Variants in GRIN2A observed in about 807,000 individuals in gnomAD.
GRIN2A encodes glutamate ionotropic receptor NMDA type subunit 2A.
In GRIN2A, 22 loss-of-function variants were observed where a neutral mutation model predicts 113.4. The ratio of observed to expected loss-of-function variants is 0.19; its 90% CI spans 0.14 to 0.28. The LOEUF (loss-of-function observed/expected upper bound fraction) is 0.28, where lower values mean the gene tolerates loss of function less well. GRIN2A is among the 10% of genes least tolerant of loss of function. The pLI is 1.00. For missense variants in GRIN2A, 1,502 were observed against 1,887.0 expected (o/e 0.80, Z 3.78); for synonymous variants, 827 against 738.4 (o/e 1.12, Z -1.94).
chr16:10,082,432 T>G (rs917375119), intron 2 of GRIN2A, among the ~76,000 whole-genome samples: 5 of 152,220 alleles, frequency 3.3e-5, no homozygotes, highest in African/African-American at 1.2e-4. Flanking sequence ...TGAGTACAGG[T>G]GAACCTGTGA....
At chr16:9,984,328 T>C (rs1462320938) in intron 2 of GRIN2A, among the ~76,000 whole-genome samples, 1 of 152,196 alleles carries the variant, frequency 6.6e-6, no homozygotes, top group Non-Finnish European at 1.5e-5. Context: ...AGGTTGTCTC[T>C]TCACTCTGAT....
chr16:10,111,311 C>G, intron 2 of GRIN2A: 1 of 380,162 alleles, frequency 2.6e-6, no homozygotes, highest in Non-Finnish European at 5.0e-6. Context: ...AGGCCCACAG[C>G]GTCAGCAGCA....
intron 2 of GRIN2A, among the ~76,000 whole-genome samples, chr16:10,067,160 C>T (rs1282040691): frequency 6.6e-6 from 1 of 152,174 alleles, no homozygotes; most frequent in East Asian, 1.9e-4. Context: ...CTTTCTTCAT[C>T]CCCTATGCTT....
At chr16:10,097,224 G>T (rs755609924) in intron 2 of GRIN2A, among the ~76,000 whole-genome samples, 3 of 152,188 alleles carry the variant, frequency 2.0e-5, no homozygotes, top group Non-Finnish European at 4.4e-5. Flanking sequence ...TCTATTTGTG[G>T]GAAGTGATAC....
intron 2 of GRIN2A, among the ~76,000 whole-genome samples, chr16:9,981,624 TATC>T (rs532078423): frequency 1.2e-3 from 186 of 152,302 alleles, no homozygotes; most frequent in Non-Finnish European, 1.7e-3. Flanking sequence ...TTTTTACAAA[TATC>T]ATCACAATAC....
intron 2 of GRIN2A, among the ~76,000 whole-genome samples, chr16:9,972,090 T>G (rs2045683901): frequency 6.6e-6 from 1 of 152,172 alleles, no homozygotes. Flanking sequence ...AGAAGGGAAT[T>G]CTTGGCATGT....
At chr16:10,134,249 A>G (rs2049140458) in intron 2 of GRIN2A, among the ~76,000 whole-genome samples, 1 of 150,572 alleles carries the variant, frequency 6.6e-6, no homozygotes, top group African/African-American at 2.4e-5. Flanking sequence ...GGCAAACATT[A>G]GGCTTCAAAG....
intron 2 of GRIN2A, among the ~76,000 whole-genome samples, chr16:10,155,100 G>C (rs2049662103): frequency 1.3e-5 from 2 of 152,048 alleles, no homozygotes; most frequent in Admixed American, 1.3e-4. Flanking sequence ...AATTTATTTT[G>C]GCTTAAACTT....
At chr16:10,067,860 C>G (rs942169109) in intron 2 of GRIN2A, among the ~76,000 whole-genome samples, 5 of 152,192 alleles carry the variant, frequency 3.3e-5, no homozygotes, top group African/African-American at 1.2e-4. Context: ...ATTATATCCA[C>G]CCCCTCCACC....
At chr16:9,984,604 G>T (rs1195526683) in intron 2 of GRIN2A, among the ~76,000 whole-genome samples, 1 of 152,182 alleles carries the variant, frequency 6.6e-6, no homozygotes, top group African/African-American at 2.4e-5. Flanking sequence ...TTCTGCTGTA[G>T]CTGTTGTCCT....
chr16:9,895,711 G>C (rs1404512970), intron 3 of GRIN2A, among the ~76,000 whole-genome samples: 1 of 152,196 alleles, frequency 6.6e-6, no homozygotes, highest in Non-Finnish European at 1.5e-5. Context: ...ACCTCAGCTA[G>C]CGAAAATAAG....
chr16:9,854,998 GT>G (rs2042944312), intron 4 of GRIN2A, among the ~76,000 whole-genome samples: 1 of 144,680 alleles, frequency 6.9e-6, no homozygotes, highest in Non-Finnish European at 1.5e-5. Context: ...ACGCTTGTGT[GT>G]GTGTGTGTGT....
At chr16:10,049,826 T>A (rs1567262299) in intron 2 of GRIN2A, among the ~76,000 whole-genome samples, 1 of 152,190 alleles carries the variant, frequency 6.6e-6, no homozygotes, top group Admixed American at 6.5e-5. Context: ...TTTTGTGCAA[T>A]TTTTTTGTGA....
intron 2 of GRIN2A, among the ~76,000 whole-genome samples, chr16:9,991,873 G>A (rs992602263): frequency 6.6e-6 from 1 of 152,122 alleles, no homozygotes; most frequent in East Asian, 1.9e-4. Flanking sequence ...ACACAGTGAG[G>A]GGAAGATCAC....
At chr16:9,889,243 G>A (rs1307146997) in intron 4 of GRIN2A, among the ~76,000 whole-genome samples, 1 of 152,040 alleles carries the variant, frequency 6.6e-6, no homozygotes, top group South Asian at 2.1e-4. Flanking sequence ...TGAATTTGTT[G>A]TCATAAATTT....
chr16:9,948,478 A>G (rs2045079113), intron 2 of GRIN2A, among the ~76,000 whole-genome samples: 1 of 152,218 alleles, frequency 6.6e-6, no homozygotes, highest in African/African-American at 2.4e-5. Flanking sequence ...TGCTGCAAGC[A>G]TCTCTCAGAG....
intron 2 of GRIN2A, among the ~76,000 whole-genome samples, chr16:9,954,239 T>TCC (rs1360810376): frequency 6.6e-6 from 1 of 152,214 alleles, no homozygotes; most frequent in East Asian, 1.9e-4. Context: ...GATTCCTTAG[T>TCC]TTTTCACCCC....
intron 2 of GRIN2A, among the ~76,000 whole-genome samples, chr16:10,077,614 T>C (rs538663142): frequency 3.3e-5 from 5 of 152,310 alleles, no homozygotes; most frequent in African/African-American, 1.2e-4. Flanking sequence ...TGCAATGGTG[T>C]TTCAGGCAAG....
At chr16:9,937,012 T>C (rs373179806) in intron 3 of GRIN2A, among the ~76,000 whole-genome samples, 2 of 152,306 alleles carry the variant, frequency 1.3e-5, no homozygotes, top group African/African-American at 4.8e-5. Flanking sequence ...GAAAAAACAC[T>C]TGCACATGTG....
Sources: allele counts gnomAD v4.1 joint callset (sites outside exome capture counted in the v4.1 genomes callset), GRCh38; gene constraint gnomAD v4.1.1; transcripts MANE v1.5; gene names NCBI Gene and HGNC (gene_info 2026-07-23, HGNC 2026-07-21).